The following CCNYL1 variants were observed in gnomAD, a reference collection of about 807,000 sequenced individuals.
The protein encoded by CCNYL1 is cyclin-Y-like protein 1.
In CCNYL1, 16 loss-of-function variants were observed where a neutral mutation model predicts 44.2. That is an observed-to-expected ratio of 0.36 (90% confidence interval 0.25 to 0.55). The LOEUF (loss-of-function observed/expected upper bound fraction) is 0.55. Among genes scored for constraint, CCNYL1 ranks in the 20% least tolerant of loss-of-function variants. CCNYL1 has a pLI of 0.85. For missense variants in CCNYL1, 348 were observed against 451.8 expected (o/e 0.77, Z 2.08); for synonymous variants, 159 against 163.2 (o/e 0.97, Z 0.20).
Position 207,753,974 on chromosome 2 carries a change from A to G in CCNYL1, c.*276A>G. On this transcript the variant is annotated 3_prime_UTR_variant, in exon 10 of 10. Transcript: ENST00000295414. Reference sequence around the variant, plus strand: ...CCATCCTACACACAGATATTTGCTTACTGTGTGGGCCGATAGCTGTGAACT... The same window carrying G: ...CCATCCTACACACAGATATTTGCTTGCTGTGTGGGCCGATAGCTGTGAACT... 3.1e-6 allele frequency: 1 copy of G among 320,258 alleles called. No homozygotes were observed. Among genetic ancestry groups the G allele is most frequent in the Non-Finnish European group, 5.7e-6 (1 of 175,188 alleles). 19.8% of individuals were successfully genotyped at this position (320,258 alleles called of 1,614,324 possible).
At chr2:207,726,388 G>T (rs2091680286) in intron 2 of CCNYL1, among the ~76,000 whole-genome samples, 1 of 152,222 alleles carries the variant, frequency 6.6e-6, no homozygotes, top group South Asian at 2.1e-4. Context: ...GGTTCAGGAT[G>T]TTTGCAGTGA....
chr2:207,719,941 G>C (rs1215528208), intron 1 of CCNYL1, among the ~76,000 whole-genome samples: 1 of 152,056 alleles, frequency 6.6e-6, no homozygotes. Flanking sequence ...CTGTACTACA[G>C]CACTTTGGGA....
rs1444039844 is a variant in CCNYL1, at chr2:207,747,191, A to C, written c.784A>C (p.Lys262Gln). ...VWNVDYCQILKDITVEDMNEM... is the reference protein window; with the variant it reads ...VWNVDYCQILQDITVEDMNEM... The stretch of plus-strand genomic sequence containing the variant: ...GAATGTGGACTACTGCCAGATCCTC[A>C]AGGACATTACAGTTGAGGACATGTG... Residue 262 changes from lysine (K) to glutamine (Q), a missense_variant, in exon 8 of 10, where the codon AAG becomes CAG. Coordinates refer to ENST00000295414, the MANE Select transcript of CCNYL1 (RefSeq NM_001330218.2). The C allele has an allele frequency of 5.0e-6, 8 of 1,613,584 alleles. No homozygotes were observed. The highest frequency in any genetic ancestry group is 6.8e-6 in the Non-Finnish European group (8 of 1,179,730).
intron 1 of CCNYL1, among the ~76,000 whole-genome samples, chr2:207,723,703 C>G (rs2091658542): frequency 6.6e-6 from 1 of 151,852 alleles, no homozygotes; most frequent in South Asian, 2.1e-4. Context: ...TGGTAAAACC[C>G]CGTCTCTACT....
chr2:207,728,955 C>T (rs1575213651), intron 3 of CCNYL1, among the ~76,000 whole-genome samples: 2 of 152,216 alleles, frequency 1.3e-5, no homozygotes, highest in Middle Eastern at 3.4e-3. Flanking sequence ...TGCCACCAAG[C>T]CTGACTAATT....
intron 3 of CCNYL1, among the ~76,000 whole-genome samples, chr2:207,729,306 G>A (rs1478914117): frequency 3.3e-5 from 3 of 92,196 alleles, no homozygotes; most frequent in African/African-American, 8.3e-5. Context: ...CCATTTTCTA[G>A]TTAGTCTTTT....
chr2:207,727,355 T>C (rs577793619), intron 3 of CCNYL1, among the ~76,000 whole-genome samples: 1 of 152,274 alleles, frequency 6.6e-6, no homozygotes, highest in East Asian at 1.9e-4. Flanking sequence ...TATACAGATA[T>C]TATTCACTGC....
At chr2:207,717,377 A>G (rs2091605219) in intron 1 of CCNYL1, among the ~76,000 whole-genome samples, 1 of 152,136 alleles carries the variant, frequency 6.6e-6, no homozygotes, top group African/African-American at 2.4e-5. Context: ...GCTGAAACAG[A>G]TGTTTATTGA....
At chr2:207,735,246 G>C (rs1390023547) in intron 4 of CCNYL1, among the ~76,000 whole-genome samples, 1 of 152,176 alleles carries the variant, frequency 6.6e-6, no homozygotes, top group Non-Finnish European at 1.5e-5. Context: ...GTTAAATAAA[G>C]GTTTCACAAG....
chr2:207,733,353 T>C (rs1431461708), intron 3 of CCNYL1, among the ~76,000 whole-genome samples: 1 of 152,218 alleles, frequency 6.6e-6, no homozygotes, highest in Admixed American at 6.5e-5. Context: ...TGTCATCTTT[T>C]TTGTTTGGAA....
chr2:207,712,294 A>G (rs1575205075), intron 1 of CCNYL1, among the ~76,000 whole-genome samples, 178 bp downstream of exon 1: 2 of 152,034 alleles, frequency 1.3e-5, no homozygotes, highest in East Asian at 3.9e-4. Flanking sequence ...GCGTCTGGCC[A>G]GTTTCTTTTC....
At chr2:207,715,706 C>T (rs1361191355) in intron 1 of CCNYL1, among the ~76,000 whole-genome samples, 2 of 131,412 alleles carry the variant, frequency 1.5e-5, no homozygotes, top group African/African-American at 2.9e-5. Context: ...GATGGAGTTT[C>T]GCTCTTGTTG....
chr2:207,740,507 C>T, intron 5 of CCNYL1, 148 bp from the exon 6 acceptor site: 1 of 654,296 alleles, frequency 1.5e-6, no homozygotes, highest in South Asian at 1.7e-5. Context: ...AGGCTGGCAT[C>T]CCGGAGAAGA....
chr2:207,731,018 A>G (rs759516672), intron 3 of CCNYL1, among the ~76,000 whole-genome samples: 2 of 152,186 alleles, frequency 1.3e-5, no homozygotes, highest in Non-Finnish European at 2.9e-5. Flanking sequence ...TTTTTTAGTT[A>G]TAATAAGCAT....
At chr2:207,721,339 A>C (rs951844832) in intron 1 of CCNYL1, among the ~76,000 whole-genome samples, 9 of 152,242 alleles carry the variant, frequency 5.9e-5, no homozygotes, top group African/African-American at 1.2e-4. Context: ...ATATTTTGAC[A>C]AGAAAAATAA....
chr2:207,726,914 G>A (rs1239053192), intron 3 of CCNYL1, 38 bp downstream of exon 3: 3 of 1,432,314 alleles, frequency 2.1e-6, no homozygotes, highest in Admixed American at 2.4e-5. Flanking sequence ...ATTAACAGTT[G>A]AATTAAAAGT....
intron 1 of CCNYL1, among the ~76,000 whole-genome samples, chr2:207,720,386 A>G (rs1461659046): frequency 6.6e-6 from 1 of 150,490 alleles, no homozygotes; most frequent in Non-Finnish European, 1.5e-5. Context: ...GGTACTTGTA[A>G]CCCAGACTTT....
At chr2:207,730,247 C>G (rs971642238) in intron 3 of CCNYL1, among the ~76,000 whole-genome samples, 3 of 152,148 alleles carry the variant, frequency 2.0e-5, no homozygotes, top group African/African-American at 7.2e-5. Flanking sequence ...GGACCTGGGA[C>G]TCCAACTACA....
intron 1 of CCNYL1, among the ~76,000 whole-genome samples, chr2:207,712,625 G>A (rs1328612529): frequency 6.6e-6 from 1 of 152,034 alleles, no homozygotes; most frequent in Non-Finnish European, 1.5e-5. Context: ...GATGTTTGAG[G>A]ATTTCTTATC....
Sources: gnomAD v4.1 joint callset for allele counts (sites outside exome capture counted in the v4.1 genomes callset) on GRCh38, gnomAD v4.1.1 for gene constraint, MANE v1.5 for transcripts, NCBI Gene and HGNC (gene_info 2026-07-23, HGNC 2026-07-21) for gene names.